HIP1R: variants seen among roughly 807,000 people sequenced by gnomAD.
The protein encoded by HIP1R is huntingtin-interacting protein 1-related protein.
Under a neutral mutation model 144.2 loss-of-function variants are expected in HIP1R, and 135 were observed. That is an observed-to-expected ratio of 0.94 (90% CI 0.81 to 1.08). The LOEUF (loss-of-function observed/expected upper bound fraction) is 1.08, where lower values mean the gene tolerates loss of function less well. Among genes scored for constraint, HIP1R ranks in the 50% least tolerant of loss-of-function variants. The probability of loss-of-function intolerance (pLI) is 0.00; values close to 1 mark genes in which losing one functional copy is unlikely to be tolerated. For missense variants in HIP1R, 1,462 were observed against 1,432.8 expected, an observed-to-expected ratio of 1.02 and a Z score of -0.33; for synonymous variants, 698 against 612.8, an observed-to-expected ratio of 1.14 and a Z score of -2.05.
rs1038250233 is a variant in HIP1R, at chr12:122,840,803, C to T, written c.93+5160C>T. On this transcript the variant is annotated intron_variant, in intron 1 of 31. Transcript: ENST00000253083. This position sits in a 1 kb window ranked among gnomAD's most constrained non-coding sequence, Gnocchi z 4.2. ...CCAGAGGTGCCACATTATGAAGGCT[C>T]TCCAGGGTTGGGAGGATATTCTGGG... 1.3e-5 allele frequency among the ~76,000 whole-genome samples: 2 copies of T among 152,192 alleles called. No individual in the cohort carries two copies. Among genetic ancestry groups the T allele is most frequent in the East Asian group, 1.9e-4 (1 of 5,196 alleles).
Position 122,856,563 on chromosome 12 carries a change from G to T in HIP1R, c.1518+15G>T. On this transcript the variant is annotated intron_variant, in intron 16 of 31. Coordinates refer to ENST00000253083, the MANE Select transcript of HIP1R (RefSeq NM_003959.3). Reference sequence around the variant, plus strand: ...CGGAGTTGAAGGTATGTCCCTTGTGGCACAGGGCCCTGCCCCGGCATCCCC... The same window carrying T: ...CGGAGTTGAAGGTATGTCCCTTGTGTCACAGGGCCCTGCCCCGGCATCCCC... 1.3e-6 allele frequency: 2 copies of T among 1,598,810 alleles called. No homozygotes were observed. The highest frequency in any genetic ancestry group is 1.7e-6 in the Non-Finnish European group (2 of 1,171,924).
At position 122,862,723 on chromosome 12, in the gene HIP1R, C is replaced by T. The variant is rs1003834827; in HGVS notation, c.*970C>T. On this transcript the variant is annotated 3_prime_UTR_variant, in exon 32 of 32. Coordinates refer to ENST00000253083, the MANE Select transcript of HIP1R (RefSeq NM_003959.3). ...GTGTGTCCCTTGAGCCCAAGGAGAG[C>T]GGCAGGAGGGGTGGGACCAGGCTGG... is the stretch of plus-strand genomic sequence containing the variant. 3.9e-4 allele frequency: 60 copies of T among 152,068 alleles called. No homozygotes were observed. Among genetic ancestry groups the T allele is most frequent in the Middle Eastern group, 3.4e-3 (1 of 294 alleles). 9.4% of individuals were successfully genotyped at this position (152,068 alleles called of 1,614,324 possible).
intron 1 of HIP1R, among the ~76,000 whole-genome samples, chr12:122,837,133 G>A (rs978086648): frequency 6.6e-6 from 1 of 152,108 alleles, no homozygotes; most frequent in Non-Finnish European, 1.5e-5. Context: ...GTTTTTTCTC[G>A]TGCCTTTGAG....
rs12827396 is a variant in HIP1R, at chr12:122,854,226, A to T, written c.718+43A>T. The T allele has an allele frequency of 2.5e-6, 4 of 1,583,114 alleles. No homozygotes were observed. The South Asian group carries it at 3.4e-5, about 14-fold the overall frequency. ...ACCCCTGGCCCGGAAGGCTGTGTTT[A>T]TATGGCTTAGACATTCACTGTCAAA... is the stretch of plus-strand genomic sequence containing the variant. On this transcript the variant is annotated intron_variant, in intron 8 of 31. Coordinates refer to ENST00000253083, the MANE Select transcript of HIP1R (RefSeq NM_003959.3).
At chr12:122,856,984 C>A in intron 17 of HIP1R, 37 bp from the exon 18 acceptor site, 1 of 1,540,764 alleles carries the variant, frequency 6.5e-7, no homozygotes, top group Non-Finnish European at 8.8e-7. Context: ...GGCCTGGGAG[C>A]TCTGTTCACA....
chr12:122,852,304 G>A (rs890383105), intron 7 of HIP1R, among the ~76,000 whole-genome samples: 1 of 152,198 alleles, frequency 6.6e-6, no homozygotes, highest in African/African-American at 2.4e-5. Flanking sequence ...GGAAGAGCCT[G>A]CTCAGGATCT....
rs770296090 is a variant in HIP1R, at chr12:122,835,510, C to T, written c.-41C>T. The T allele has an allele frequency of 4.6e-6, 6 of 1,293,880 alleles. No individual in the cohort carries two copies. In the South Asian group the frequency reaches 9.8e-5, roughly 21 times the overall value. 80.1% of individuals were successfully genotyped at this position (1,293,880 alleles called of 1,614,324 possible). A position where few individuals can be genotyped will look rare whatever the true frequency, so the allele number is the denominator to read the frequency against. ...GCTGCCGGACCGTGAGGCTGTGAGT[C>T]GCGCGGACGGAGCCGGACAAAAGCG... On this transcript the variant is annotated 5_prime_UTR_variant, in exon 1 of 32. Coordinates refer to ENST00000253083, the MANE Select transcript of HIP1R (RefSeq NM_003959.3).
rs2033778712 is a variant in HIP1R, at chr12:122,861,699, C to T, written c.3160-7C>T. The T allele has an allele frequency of 6.2e-7, 1 of 1,614,098 alleles. No individual in the cohort carries two copies. The highest frequency in any genetic ancestry group is 8.5e-7 in the Non-Finnish European group (1 of 1,180,006). ...GACCACTGACCCCCCACCTTTAACC[C>T]CTGCAGCTTGACAAAAAGGATGGCA... is the stretch of plus-strand genomic sequence containing the variant. On this transcript the variant is annotated splice_polypyrimidine_tract_variant and splice_region_variant and intron_variant, in intron 31 of 31. Coordinates refer to ENST00000253083, the MANE Select transcript of HIP1R (RefSeq NM_003959.3).
chr12:122,860,846 C>G lies in HIP1R; in HGVS notation c.2766+62C>G, dbSNP rs1390970234. The G allele has an allele frequency of 4.4e-6, 7 of 1,595,706 alleles. No individual in the cohort carries two copies. In the East Asian group the frequency reaches 1.6e-4, roughly 36 times the overall value. On this transcript the variant is annotated intron_variant, in intron 28 of 31. Coordinates refer to ENST00000253083, the MANE Select transcript of HIP1R (RefSeq NM_003959.3). ...GGGCCCAGCTTGGCCTGGGCTGTGG[C>G]TGCCAAGCCCAGGCCTGCTGCTGCC...
chr12:122,850,980 C>T (rs2271050), intron 6 of HIP1R, 69 bp downstream of exon 6: 1,179,545 of 1,421,466 alleles, frequency 0.83, 495,319 homozygotes, highest in Admixed American at 0.88. Flanking sequence ...CCGCGTCTCA[C>T]GCCCAGGCGT....
At position 122,859,180 on chromosome 12, in the gene HIP1R, A is replaced by G. The variant is rs746112372; in HGVS notation, c.2278A>G (p.Ile760Val). 16 of 1,573,742 alleles carry G rather than the reference A, an allele frequency of 1.0e-5. No homozygotes were observed. Among genetic ancestry groups the G allele is most frequent in the Non-Finnish European group, 1.4e-5 (16 of 1,160,394 alleles). Residue 760 changes from isoleucine to valine, a missense_variant, in exon 22 of 32, where the codon ATC becomes GTC. By Grantham distance (29) the Ile-to-Val change is conservative. This residue lies in a region of HIP1R where 1,112 missense variants were observed against 1,011.7 expected (regional missense o/e 1.10). Transcript: ENST00000253083. The part of the protein sequence containing the change: ...ASLVRTPLQG[I>V]LQLGQELKPK... ...CCTGGTGCGGACACCCCTGCAGGGCATCCTTCAGCTGGGCCAGGTGAGGCA... is the reference window on the plus strand; with the variant it reads ...CCTGGTGCGGACACCCCTGCAGGGCGTCCTTCAGCTGGGCCAGGTGAGGCA...
chr12:122,859,399 C>T (rs759209502), intron 22 of HIP1R, 27 bp from the exon 23 acceptor site: 1 of 1,585,000 alleles, frequency 6.3e-7, no homozygotes, highest in Non-Finnish European at 8.7e-7. Context: ...ACGGAGGCTA[C>T]CCCTGTCTGA....
intron 1 of HIP1R, 62 bp from the exon 2 acceptor site, chr12:122,847,969 G>A: frequency 1.3e-6 from 2 of 1,504,938 alleles, no homozygotes; most frequent in Non-Finnish European, 1.8e-6. Context: ...TCTCCCCCTT[G>A]GGGTGGTGTC....
Position 122,861,495 on chromosome 12 carries a change from C to T in HIP1R, c.3140C>T (p.Ala1047Val), listed in dbSNP as rs763371877. ...KPPLAQKPSV[A>V]PRQDHQLDKK... ...CCCCTGGCCCAGAAGCCCAGCGTGG[C>T]CCCCAGACAGGACCACCAGGTGCCG... The change falls in exon 31 of 32, where the codon GCC (alanine) becomes GTC (valine). Residue 1047 changes from alanine (A) to valine (V), a missense_variant. Transcript: ENST00000253083. 2 of 1,611,514 alleles carry T rather than the reference C, an allele frequency of 1.2e-6. No homozygotes were observed. The highest frequency in any genetic ancestry group is 2.2e-5 in the South Asian group (2 of 90,864).
chr12:122,855,504 G>T (rs1433465773), intron 11 of HIP1R, 47 bp from the exon 12 acceptor site: 4 of 1,548,928 alleles, frequency 2.6e-6, no homozygotes, highest in Non-Finnish European at 3.5e-6. Context: ...CCACTGCCCG[G>T]CCTGGAGGGC....
rs987082510 is a variant in HIP1R, at chr12:122,861,858, C to T, written c.*105C>T. On this transcript the variant is annotated 3_prime_UTR_variant, in exon 32 of 32. Coordinates refer to ENST00000253083, the MANE Select transcript of HIP1R (RefSeq NM_003959.3). ...CCCTCCACCTGGTGCCCAAGCCTCC[C>T]GCCCCACCGTCTGGATCAATGTCCT... is the stretch of plus-strand genomic sequence containing the variant. The T allele has an allele frequency of 4.0e-5, 42 of 1,038,468 alleles. No individual in the cohort carries two copies. In the African/African-American group the frequency reaches 4.9e-4, roughly 12 times the overall value. The allele number at this position is 1,038,468 out of a possible 1,614,324, so 64.3% of individuals were successfully genotyped here.
At chr12:122,835,284 C>A, upstream of HIP1R, 1 of 302,514 alleles carries the variant, frequency 3.3e-6, no homozygotes, top group Non-Finnish European at 4.1e-6. Flanking sequence ...CCCGAGATCG[C>A]GGGGGGTGGG....
intron 1 of HIP1R, among the ~76,000 whole-genome samples, chr12:122,837,359 C>A (rs571740763): frequency 6.6e-6 from 1 of 151,192 alleles, no homozygotes; most frequent in East Asian, 1.9e-4. Flanking sequence ...TCTCTCGTTG[C>A]CCAGGCTGGA....
rs766621616 is a variant in HIP1R at position 122,848,597 on chromosome 12, G to A, written c.289G>A (p.Gly97Arg). 21 of 1,611,852 alleles carry A rather than the reference G, an allele frequency of 1.3e-5. No homozygotes were observed. Among genetic ancestry groups the A allele is most frequent in the East Asian group, 2.2e-5 (1 of 44,880 alleles). ...CGTCCTCCACAAGGTCCTTCGAGAC[G>A]GGCACCCCAATGTGAGTAGCAGCTG... is the stretch of plus-strand genomic sequence containing the variant. ...CHVLHKVLRDGHPNVLHDCQR... is the reference protein window; with the variant it reads ...CHVLHKVLRDRHPNVLHDCQR... Residue 97 changes from glycine to arginine, a missense_variant, in exon 3 of 32, where the codon GGG becomes AGG. This residue lies in a region of HIP1R where 350 missense variants were observed against 421.1 expected (regional missense o/e 0.83). Coordinates refer to ENST00000253083, the MANE Select transcript of HIP1R (RefSeq NM_003959.3).
Sources: gnomAD v4.1 joint callset for allele counts (sites outside exome capture counted in the v4.1 genomes callset) on GRCh38, gnomAD v4.1.1 for gene constraint, gnomAD v4.1.1 regional missense constraint, Gnocchi (gnomAD v3.1) non-coding constraint, MANE v1.5 for transcripts, NCBI Gene and HGNC (gene_info 2026-07-23, HGNC 2026-07-21) for gene names.